The following KCNB2 variants were observed in gnomAD, a reference collection of about 807,000 sequenced individuals.
The protein encoded by KCNB2 is delayed rectifier potassium channel protein.
KCNB2 carries 15 observed loss-of-function variants against 61.5 expected under a neutral mutation model. The ratio of observed to expected loss-of-function variants is 0.24; its 90% confidence interval spans 0.16 to 0.38. The LOEUF (loss-of-function observed/expected upper bound fraction) is 0.38, where lower values mean the gene tolerates loss of function less well. Among genes scored for constraint, KCNB2 ranks in the 10% least tolerant of loss-of-function variants. The pLI, the probability that KCNB2 is intolerant of heterozygous loss-of-function variation, is 1.00. For missense variants in KCNB2, 828 were observed against 1,125.2 expected (o/e 0.74, Z 3.78); for synonymous variants, 457 against 446.0 (o/e 1.02, Z -0.31).
At chr8:72,563,033 T>C (rs1563524045) in intron 1 of KCNB2, among the ~76,000 whole-genome samples, 1 of 152,120 alleles carries the variant, frequency 6.6e-6, no homozygotes, top group Non-Finnish European at 1.5e-5. Context: ...ATAAAATAAA[T>C]GAAACATTCA....
chr8:72,700,275 A>G (rs2128990929), intron 2 of KCNB2, among the ~76,000 whole-genome samples: 1 of 152,274 alleles, frequency 6.6e-6, no homozygotes, highest in South Asian at 2.1e-4. Flanking sequence ...TGATGAGTTG[A>G]TAGGTGCAGC....
At chr8:72,640,319 T>G (rs942574726) in intron 2 of KCNB2, among the ~76,000 whole-genome samples, 1 of 152,068 alleles carries the variant, frequency 6.6e-6, no homozygotes, top group Non-Finnish European at 1.5e-5. Context: ...GTAAAATGAA[T>G]CAAGGAGGAA....
Position 72,745,899 on chromosome 8 carries a change from A to G in KCNB2, c.579+177586A>G, listed in dbSNP as rs147247881. ...CCGGCTCAGAGGCCCACCATGAATA[A>G]CAAAGACACTCTTATCACTCTGAAA... is the stretch of plus-strand genomic sequence containing the variant. On this transcript the variant is annotated intron_variant, in intron 2 of 2. Transcript: ENST00000523207. Among the ~76,000 whole-genome samples, 728 of 152,268 alleles carry G rather than the reference A, an allele frequency of 4.8e-3. 4 individuals are homozygous for G. The highest frequency in any genetic ancestry group is 0.017 in the African/African-American group (700 of 41,564).
chr8:72,656,533 G>A (rs1806294423), intron 2 of KCNB2, among the ~76,000 whole-genome samples: 1 of 152,098 alleles, frequency 6.6e-6, no homozygotes, highest in African/African-American at 2.4e-5. Flanking sequence ...CATCCAAATT[G>A]TACATGTATA....
chr8:72,771,039 T>C (rs944010795), intron 2 of KCNB2, among the ~76,000 whole-genome samples: 3 of 152,188 alleles, frequency 2.0e-5, no homozygotes, highest in South Asian at 2.1e-4. Context: ...AGAAAAAAGC[T>C]CCCAGCTATT....
intron 2 of KCNB2, among the ~76,000 whole-genome samples, chr8:72,717,760 C>T (rs1195741235): frequency 6.6e-6 from 1 of 152,086 alleles, no homozygotes; most frequent in Non-Finnish European, 1.5e-5. Flanking sequence ...TGGGCAAGGA[C>T]TTCATGACTA....
intron 2 of KCNB2, among the ~76,000 whole-genome samples, chr8:72,872,035 T>G (rs1261708606): frequency 2.6e-5 from 4 of 152,212 alleles, no homozygotes; most frequent in African/African-American, 2.4e-5. Context: ...TCATGCTCTT[T>G]TCTCAGCCTT....
chr8:72,699,581 C>G (rs1807080096), intron 2 of KCNB2, among the ~76,000 whole-genome samples: 1 of 152,144 alleles, frequency 6.6e-6, no homozygotes, highest in South Asian at 2.1e-4. Flanking sequence ...TTCTGCTGTG[C>G]AGACGCTCTT....
chr8:72,635,356 A>C (rs529499889), intron 2 of KCNB2, among the ~76,000 whole-genome samples: 6 of 152,302 alleles, frequency 3.9e-5, no homozygotes, highest in African/African-American at 1.4e-4. Context: ...AATTTATAGG[A>C]GATTCTGAAT....
chr8:72,635,601 C>T (rs757946466), intron 2 of KCNB2, among the ~76,000 whole-genome samples: 50 of 152,140 alleles, frequency 3.3e-4, no homozygotes, highest in Non-Finnish European at 6.9e-4. Flanking sequence ...TATATTCTCA[C>T]CTCTAGTATT....
intron 2 of KCNB2, among the ~76,000 whole-genome samples, chr8:72,813,414 C>CA (rs888561816): frequency 2.6e-5 from 4 of 151,222 alleles, no homozygotes; most frequent in African/African-American, 4.9e-5. Flanking sequence ...AGTTTACACC[C>CA]AAAAAAAATA....
At chr8:72,703,392 G>T (rs1342184031) in intron 2 of KCNB2, among the ~76,000 whole-genome samples, 1 of 152,176 alleles carries the variant, frequency 6.6e-6, no homozygotes, top group African/African-American at 2.4e-5. Context: ...GACTGGGCAG[G>T]GGAAGAAGTT....
intron 2 of KCNB2, among the ~76,000 whole-genome samples, chr8:72,802,989 T>C (rs1393549085): frequency 6.6e-6 from 1 of 152,198 alleles, no homozygotes; most frequent in Non-Finnish European, 1.5e-5. Context: ...TAAATGTCCT[T>C]AAAATGTACC....
intron 2 of KCNB2, among the ~76,000 whole-genome samples, chr8:72,746,271 T>G (rs1342947475): frequency 6.6e-6 from 1 of 152,174 alleles, no homozygotes; most frequent in Non-Finnish European, 1.5e-5. Flanking sequence ...CAAGTGCATG[T>G]TGTATATTTG....
chr8:72,923,468 C>T (rs1304669026), intron 2 of KCNB2, among the ~76,000 whole-genome samples: 1 of 152,130 alleles, frequency 6.6e-6, no homozygotes, highest in East Asian at 1.9e-4. Flanking sequence ...CTTTGTCAGT[C>T]TTAAGGTCTT....
intron 2 of KCNB2, chr8:72,618,910 G>T: frequency 3.0e-6 from 1 of 332,182 alleles, no homozygotes; most frequent in Non-Finnish European, 5.9e-6. Context: ...ACCGCTACTA[G>T]GGACTGATGA....
At chr8:72,551,808 C>A (rs1806348124) in intron 1 of KCNB2, among the ~76,000 whole-genome samples, 1 of 152,198 alleles carries the variant, frequency 6.6e-6, no homozygotes, top group South Asian at 2.1e-4. Flanking sequence ...AAGGCAGGGA[C>A]TGCTGCTTTC....
chr8:72,907,431 A>C (rs1374439329), intron 2 of KCNB2, among the ~76,000 whole-genome samples: 1 of 152,132 alleles, frequency 6.6e-6, no homozygotes, highest in Non-Finnish European at 1.5e-5. Flanking sequence ...TAGAAGGAGG[A>C]GGAGGAAGAG....
At chr8:72,719,868 T>C (rs2247672) in intron 2 of KCNB2, among the ~76,000 whole-genome samples, 28,189 of 152,126 alleles carry the variant, frequency 0.19, 3,469 homozygotes, top group African/African-American at 0.35. Context: ...GAAAAATGAA[T>C]TTCATAAGAA....
Sources: allele counts gnomAD v4.1 joint callset (sites outside exome capture counted in the v4.1 genomes callset), GRCh38; gene constraint gnomAD v4.1.1; transcripts MANE v1.5; gene names NCBI Gene and HGNC (gene_info 2026-07-23, HGNC 2026-07-21).